Variants in MRPS35 observed in about 807,000 individuals in gnomAD.
MRPS35 encodes the protein mitochondrial ribosomal protein S35, also known as small ribosomal subunit protein mS35.
A neutral mutation model predicts 32.7 loss-of-function variants in MRPS35; 29 were observed. The observed-to-expected ratio is 0.89, with a 90% CI of 0.66 to 1.21. The LOEUF is 1.21. Among genes scored for constraint, MRPS35 ranks in the 50% most tolerant of loss-of-function variants. The probability of loss-of-function intolerance (pLI) is 0.00; values close to 1 mark genes in which losing one functional copy is unlikely to be tolerated. For missense variants in MRPS35, 373 were observed against 383.8 expected, an observed-to-expected ratio of 0.97 and a Z score of 0.23; for synonymous variants, 148 against 139.3, an observed-to-expected ratio of 1.06 and a Z score of -0.44.
chr12:27,715,088 G>A (rs2140752179), intron 2 of MRPS35, among the ~76,000 whole-genome samples: 1 of 152,254 alleles, frequency 6.6e-6, no homozygotes, highest in African/African-American at 2.4e-5. Context: ...GCTATCTTAA[G>A]TCCTGCAGCC....
At chr12:27,716,506 T>A in intron 3 of MRPS35, 48 bp downstream of exon 3, 1 of 1,591,022 alleles carries the variant, frequency 6.3e-7, no homozygotes. Context: ...TAGAAATAAA[T>A]GCTGATCTTC....
chr12:27,733,478 G>T (rs1396354599), intron 5 of MRPS35, among the ~76,000 whole-genome samples: 3 of 151,996 alleles, frequency 2.0e-5, no homozygotes, highest in Non-Finnish European at 4.4e-5. Context: ...TAAATTTATT[G>T]TTAGACATTA....
chr12:27,715,972 T>C (rs1431579928), intron 2 of MRPS35, among the ~76,000 whole-genome samples: 1 of 152,212 alleles, frequency 6.6e-6, no homozygotes, highest in East Asian at 1.9e-4. Context: ...TCAAAATGTA[T>C]TGTTAATTCA....
chr12:27,751,680 G>A (rs1384435211), intron 7 of MRPS35, among the ~76,000 whole-genome samples: 1 of 152,170 alleles, frequency 6.6e-6, no homozygotes, highest in African/African-American at 2.4e-5. Flanking sequence ...GGACAGCTTT[G>A]GCTGTCTCTC....
chr12:27,717,926 TG>T (rs1249908560), intron 3 of MRPS35, among the ~76,000 whole-genome samples: 2 of 152,258 alleles, frequency 1.3e-5, no homozygotes, highest in African/African-American at 4.8e-5. Flanking sequence ...AATTGTCTAT[TG>T]TTTTTTCCTT....
chr12:27,719,913 ATAAAT>A, intron 4 of MRPS35, 45 bp downstream of exon 4: 1 of 1,360,246 alleles, frequency 7.4e-7, no homozygotes, highest in Non-Finnish European at 1.0e-6. Flanking sequence ...GACTTTGAAC[ATAAAT>A]TTAAGAATCT....
At chr12:27,735,305 C>T in intron 5 of MRPS35, 142 bp from the exon 6 acceptor site, 1 of 569,366 alleles carries the variant, frequency 1.8e-6, no homozygotes, top group South Asian at 2.5e-5. Flanking sequence ...TAATATGTCC[C>T]AACTGCTTGC....
At chr12:27,755,093 A>G (rs2062020901) in intron 7 of MRPS35, 88 bp from the exon 8 acceptor site, 19 of 1,418,428 alleles carry the variant, frequency 1.3e-5, no homozygotes, top group Non-Finnish European at 1.6e-5. Context: ...AAGGAAAAAA[A>G]AAAAGAAGAA....
In MRPS35 at chr12:27,716,280, A is replaced by G. The variant is rs561898949; in HGVS notation, c.154-11A>G. On this transcript the variant is annotated splice_polypyrimidine_tract_variant and intron_variant, in intron 2 of 7. Transcript: ENST00000081029. ...TATATTTAAAATACTAAACGATTTT[A>G]TATTTCTTAGGCACTACCTCCTAGG... 12 of 1,538,482 alleles carry G rather than the reference A, an allele frequency of 7.8e-6. No homozygotes were observed. In the Admixed American group the frequency reaches 2.5e-4, roughly 32 times the overall value.
intron 5 of MRPS35, among the ~76,000 whole-genome samples, chr12:27,724,745 A>G (rs560885618): frequency 2.8e-4 from 37 of 133,170 alleles, no homozygotes; most frequent in African/African-American, 9.2e-4. Flanking sequence ...TCCATCTCGG[A>G]AAAAAAAAAA....
At chr12:27,744,112 A>G (rs1360553566) in intron 7 of MRPS35, among the ~76,000 whole-genome samples, 1 of 152,154 alleles carries the variant, frequency 6.6e-6, no homozygotes, top group East Asian at 1.9e-4. Flanking sequence ...TTAAGTTATT[A>G]TGTCTTATTT....
At chr12:27,715,762 C>T (rs977177949) in intron 2 of MRPS35, among the ~76,000 whole-genome samples, 5 of 152,096 alleles carry the variant, frequency 3.3e-5, no homozygotes, top group Admixed American at 6.5e-5. Context: ...TATTTGATGC[C>T]ATTAAAAATA....
At chr12:27,716,589 A>G (rs550008299) in intron 3 of MRPS35, 131 bp downstream of exon 3, 104 of 803,424 alleles carry the variant, frequency 1.3e-4, no homozygotes, top group Non-Finnish European at 2.0e-4. Flanking sequence ...TTAAATGTTA[A>G]AAATAATATA....
intron 7 of MRPS35, among the ~76,000 whole-genome samples, chr12:27,748,763 TG>T (rs923758562): frequency 1.3e-5 from 2 of 151,968 alleles, no homozygotes; most frequent in African/African-American, 4.8e-5. Flanking sequence ...CTCAGCCTCT[TG>T]GGCTCAAGCA....
intron 1 of MRPS35, among the ~76,000 whole-genome samples, chr12:27,713,036 T>C (rs12828457): frequency 0.15 from 23,559 of 152,170 alleles, 1,862 homozygotes; most frequent in East Asian, 0.18. Flanking sequence ...AAAGTTCTGC[T>C]AAGGATGCAT....
chr12:27,736,500 C>CTT (rs61685175), intron 6 of MRPS35, among the ~76,000 whole-genome samples: 1 of 144,872 alleles, frequency 6.9e-6, no homozygotes, highest in African/African-American at 2.5e-5. Flanking sequence ...AATAATGTTG[C>CTT]TTTTTTTTTT....
chr12:27,712,941 C>A (rs1180499895), intron 1 of MRPS35, among the ~76,000 whole-genome samples: 1 of 152,214 alleles, frequency 6.6e-6, no homozygotes, highest in African/African-American at 2.4e-5. Context: ...TCACCTGAGC[C>A]TGGGAAGTCG....
chr12:27,712,984 C>G (rs576117033), intron 1 of MRPS35, among the ~76,000 whole-genome samples: 1 of 152,328 alleles, frequency 6.6e-6, no homozygotes, highest in South Asian at 2.1e-4. Context: ...CCACTGCCCT[C>G]CGGCCTGGGT....
At chr12:27,748,929 G>C (rs1056371498) in intron 7 of MRPS35, among the ~76,000 whole-genome samples, 7 of 152,186 alleles carry the variant, frequency 4.6e-5, no homozygotes, top group Non-Finnish European at 7.3e-5. Context: ...TGAGGTGGGA[G>C]AATCACTTGA....
Sources: allele counts gnomAD v4.1 joint callset (sites outside exome capture counted in the v4.1 genomes callset), GRCh38; gene constraint gnomAD v4.1.1; transcripts MANE v1.5; gene names NCBI Gene and HGNC (gene_info 2026-07-23, HGNC 2026-07-21).